The following MSI2 variants were observed in gnomAD, a reference collection of about 807,000 sequenced individuals.
MSI2 encodes the protein RNA-binding protein Musashi homolog 2.
In MSI2, 17 loss-of-function variants were observed where a neutral mutation model predicts 45.6. That is an observed-to-expected ratio of 0.37 (90% CI 0.26 to 0.56). MSI2 has a LOEUF of 0.56. Among genes scored for constraint, MSI2 ranks in the 20% least tolerant of loss-of-function variants. The probability of loss-of-function intolerance (pLI) is 0.77; values close to 1 mark genes in which losing one functional copy is unlikely to be tolerated. For synonymous variants in MSI2, 156 were observed against 158.2 expected (o/e 0.99, Z 0.11); for missense variants, 293 against 444.2 (o/e 0.66, Z 3.06).
chr17:57,604,166 C>T (rs776330285), intron 8 of MSI2, among the ~76,000 whole-genome samples: 6 of 152,174 alleles, frequency 3.9e-5, no homozygotes, highest in South Asian at 2.1e-4. Context: ...TTCTGTGTTT[C>T]GGCTCTGTGG....
chr17:57,321,785 C>T (rs1913363118), intron 5 of MSI2, among the ~76,000 whole-genome samples: 2 of 152,070 alleles, frequency 1.3e-5, no homozygotes, highest in Non-Finnish European at 2.9e-5. Flanking sequence ...GGCAACTTTG[C>T]CATGGATTTA....
At chr17:57,398,254 G>GTA (rs2083926171) in intron 5 of MSI2, among the ~76,000 whole-genome samples, 1 of 152,200 alleles carries the variant, frequency 6.6e-6, no homozygotes, top group Admixed American at 6.5e-5. Flanking sequence ...CAGGGCTGCT[G>GTA]TATACCCGCC....
chr17:57,602,881 C>T (rs1906062752), intron 8 of MSI2, among the ~76,000 whole-genome samples: 1 of 152,154 alleles, frequency 6.6e-6, no homozygotes, highest in South Asian at 2.1e-4. Flanking sequence ...CCTACAGAGT[C>T]AGAATCTGCA....
chr17:57,640,618 G>C (rs1567954348), intron 10 of MSI2, among the ~76,000 whole-genome samples: 1 of 152,214 alleles, frequency 6.6e-6, no homozygotes, highest in Non-Finnish European at 1.5e-5. Context: ...TTACAGAGGA[G>C]GAAAAGGAGG....
In MSI2 at chr17:57,499,521, T is replaced by C. The variant is rs919303219; in HGVS notation, c.406-30155T>C. 5.9e-5 allele frequency among the ~76,000 whole-genome samples: 9 copies of C among 152,004 alleles called. 1 individual carries two copies. Among genetic ancestry groups the C allele is most frequent in the African/African-American group, 2.2e-4 (9 of 41,380 alleles). Reference sequence around the variant, plus strand: ...ATAAAAGTTTCTATAGCATTTGGAGTTCTTAATATTTACCCATCAGTTTAC... The same window carrying C: ...ATAAAAGTTTCTATAGCATTTGGAGCTCTTAATATTTACCCATCAGTTTAC... On this transcript the variant is annotated intron_variant, in intron 6 of 13. Transcript: ENST00000284073.
Position 57,616,048 on chromosome 17 carries a change from A to C in MSI2, c.616A>C (p.Thr206Pro). Residue 206 changes from threonine to proline, a missense_variant, in exon 9 of 14, where the codon ACC becomes CCC. Transcript: ENST00000284073. ...TRGRARGLPY[T>P]MDAFMLGMGM... ...AGGCCGGGCCCGGGGACTGCCTTACACCATGGACGCGTTCATGCTTGGCAT... is the reference window on the plus strand; with the variant it reads ...AGGCCGGGCCCGGGGACTGCCTTACCCCATGGACGCGTTCATGCTTGGCAT... 6.2e-7 allele frequency: 1 copy of C among 1,614,130 alleles called. No individual in the cohort carries two copies. Among genetic ancestry groups the C allele is most frequent in the Non-Finnish European group, 8.5e-7 (1 of 1,180,016 alleles).
chr17:57,665,954 C>A (rs1912333850), intron 11 of MSI2, among the ~76,000 whole-genome samples: 1 of 152,186 alleles, frequency 6.6e-6, no homozygotes, highest in Admixed American at 6.5e-5. Flanking sequence ...GAGAGGCAGT[C>A]CTGTATCTCT....
intron 11 of MSI2, among the ~76,000 whole-genome samples, chr17:57,664,561 T>C (rs1598506023): frequency 6.8e-6 from 1 of 147,702 alleles, no homozygotes; most frequent in Non-Finnish European, 1.5e-5. Flanking sequence ...GAGAAGTGAG[T>C]GGAGAGAAAG....
rs376815131 is a variant in MSI2 at position 57,295,508 on chromosome 17, C to T, written c.312+33316C>T. Among the ~76,000 whole-genome samples the T allele has an allele frequency of 4.3e-4, 66 of 152,182 alleles. No individual in the cohort carries two copies. The Middle Eastern group carries it at 0.01, about 24-fold the overall frequency. On this transcript the variant is annotated intron_variant, in intron 5 of 13. Coordinates refer to ENST00000284073, the MANE Select transcript of MSI2 (RefSeq NM_138962.4). ...ATTATTATTATTATTATTTTTTATA[C>T]AGGTGCGGTAGGTTGAGAAATATTA...
chr17:57,416,913 A>G (rs1173113643), intron 6 of MSI2, among the ~76,000 whole-genome samples: 3 of 152,210 alleles, frequency 2.0e-5, no homozygotes, highest in Non-Finnish European at 4.4e-5. Flanking sequence ...AACCCAAGCT[A>G]GGTATTAAGC....
chr17:57,528,761 C>T (rs2086757479), intron 6 of MSI2, among the ~76,000 whole-genome samples: 1 of 152,126 alleles, frequency 6.6e-6, no homozygotes, highest in Non-Finnish European at 1.5e-5. Flanking sequence ...GATTAGGGCC[C>T]ACCCTAATGA....
At chr17:57,389,602 C>A (rs1476612012) in intron 5 of MSI2, among the ~76,000 whole-genome samples, 1 of 152,202 alleles carries the variant, frequency 6.6e-6, no homozygotes, top group Non-Finnish European at 1.5e-5. Context: ...TCATGCAGTG[C>A]TTGGCACATA....
intron 6 of MSI2, among the ~76,000 whole-genome samples, chr17:57,483,859 C>T (rs1438047977): frequency 6.6e-6 from 1 of 152,220 alleles, no homozygotes; most frequent in East Asian, 1.9e-4. Context: ...GAGCAAGACC[C>T]TCTTCCTCCT....
At chr17:57,690,783 T>G in the MSI2 span, among the ~76,000 whole-genome samples, 1 of 152,250 alleles carries the variant, frequency 6.6e-6, no homozygotes, top group African/African-American at 2.4e-5. Flanking sequence ...TTCTTAATTT[T>G]TATGAAATCC....
chr17:57,500,689 C>G lies in MSI2; in HGVS notation c.406-28987C>G, dbSNP rs185934424. Among the ~76,000 whole-genome samples, 135 of 150,576 alleles carry G rather than the reference C, an allele frequency of 9.0e-4. 1 individual carries two copies. Among genetic ancestry groups the G allele is most frequent in the South Asian group, 5.5e-3 (26 of 4,760 alleles). On this transcript the variant is annotated intron_variant, in intron 6 of 13. Coordinates refer to ENST00000284073, the MANE Select transcript of MSI2 (RefSeq NM_138962.4). ...CAGCTGTGGCCTTTAAATTAGAAGACTAGCCAGGTGTGGTGGCTCACACCT... is the reference window on the plus strand; with the variant it reads ...CAGCTGTGGCCTTTAAATTAGAAGAGTAGCCAGGTGTGGTGGCTCACACCT...
intron 5 of MSI2, among the ~76,000 whole-genome samples, chr17:57,331,105 G>A (rs574481861): frequency 1.3e-5 from 2 of 152,050 alleles, no homozygotes; most frequent in East Asian, 3.9e-4. Context: ...GTAGAGACAG[G>A]GTTTTACCAC....
In MSI2 at chr17:57,541,850, C is replaced by T. The variant is rs543986316; in HGVS notation, c.454+12126C>T. 3.3e-5 allele frequency among the ~76,000 whole-genome samples: 5 copies of T among 152,314 alleles called. No individual in the cohort carries two copies. The East Asian group carries it at 7.7e-4, about 23-fold the overall frequency. ...GAAATTTCTCCCTCAACTTGCCACC[C>T]ATCTTGGTATCAGGAAATAACTGAA... On this transcript the variant is annotated intron_variant, in intron 7 of 13. Coordinates refer to ENST00000284073, the MANE Select transcript of MSI2 (RefSeq NM_138962.4).
At chr17:57,593,128 G>A (rs935651562) in intron 7 of MSI2, among the ~76,000 whole-genome samples, 1 of 152,120 alleles carries the variant, frequency 6.6e-6, no homozygotes, top group African/African-American at 2.4e-5. Flanking sequence ...AGCCAGGATG[G>A]GTTTTTCTCA....
intron 6 of MSI2, among the ~76,000 whole-genome samples, chr17:57,437,260 G>A (rs1051088839): frequency 2.0e-5 from 3 of 152,108 alleles, no homozygotes; most frequent in Non-Finnish European, 2.9e-5. Flanking sequence ...AGCTATTTTT[G>A]TAAGACACCT....
Sources: gnomAD v4.1 joint callset for allele counts (sites outside exome capture counted in the v4.1 genomes callset) on GRCh38, gnomAD v4.1.1 for gene constraint, MANE v1.5 for transcripts, NCBI Gene and HGNC (gene_info 2026-07-23, HGNC 2026-07-21) for gene names.